The following SPNS3 variants were observed in gnomAD, a reference collection of about 807,000 sequenced individuals.
The protein encoded by SPNS3 is SPNS lysolipid transporter 3, sphingosine-1-phosphate (putative), also known as protein spinster homolog 3.
SPNS3 carries 51 observed loss-of-function variants against 54.4 expected under a neutral mutation model. The ratio of observed to expected loss-of-function variants is 0.94; its 90% CI spans 0.75 to 1.18. SPNS3 has a LOEUF of 1.18. Ranked by LOEUF, SPNS3 falls within the 50% of genes most tolerant of loss-of-function variation. The pLI, the probability that SPNS3 is intolerant of heterozygous loss-of-function variation, is 0.00. For missense variants in SPNS3, 669 were observed against 677.4 expected, an observed-to-expected ratio of 0.99 and a Z score of 0.14; for synonymous variants, 309 against 294.7, an observed-to-expected ratio of 1.05 and a Z score of -0.50.
rs896821451 is a variant in SPNS3, at chr17:4,461,919, C to T, written c.1113+8714C>T. On this transcript the variant is annotated intron_variant, in intron 8 of 11. Transcript: ENST00000355530. ...TTAGTAGACAGTTGGATACAGGAGT[C>T]GGAAGTCCAGGGGATATGGAATCAT... Among the ~76,000 whole-genome samples, 8 of 151,980 alleles carry T rather than the reference C, an allele frequency of 5.3e-5. No homozygotes were observed. The South Asian group carries it at 8.3e-4, about 16-fold the overall frequency.
intron 9 of SPNS3, among the ~76,000 whole-genome samples, chr17:4,484,018 A>T (rs532449658): frequency 6.6e-6 from 1 of 152,228 alleles, no homozygotes; most frequent in South Asian, 2.1e-4. Context: ...TGTCCTCCTC[A>T]TCTTTCTCAG....
At chr17:4,480,884 C>T (rs74319518) in intron 9 of SPNS3, among the ~76,000 whole-genome samples, 10,253 of 152,246 alleles carry the variant, frequency 0.067, 379 homozygotes, top group Middle Eastern at 0.13. Context: ...CCCGGAGCCC[C>T]GTGGCCAAAG....
At position 4,487,789 on chromosome 17, in the gene SPNS3, C is replaced by A; in HGVS notation, c.1451-17C>A. On this transcript the variant is annotated splice_polypyrimidine_tract_variant and intron_variant, in intron 11 of 11. Coordinates refer to ENST00000355530, the MANE Select transcript of SPNS3 (RefSeq NM_182538.5). ...TTCTGCAACCTTCGGGCAGGCTGAG[C>A]ATCTTTCCTCCTGCAGGGACCCCAG... 1 of 1,611,528 alleles carries A rather than the reference C, an allele frequency of 6.2e-7. No individual in the cohort carries two copies. Among genetic ancestry groups the A allele is most frequent in the South Asian group, 1.1e-5 (1 of 91,002 alleles).
rs1238760875 is a variant in SPNS3 at position 4,449,465 on chromosome 17, C to T, written c.923+78C>T. 4.1e-6 allele frequency: 6 copies of T among 1,454,260 alleles called. No homozygotes were observed. In the Admixed American group the frequency reaches 1.6e-4, roughly 39 times the overall value. 90.1% of individuals were successfully genotyped at this position (1,454,260 alleles called of 1,614,324 possible). ...GAGGAAGTTCTGAGGTTCTGAGCTCCAAAATTCAGTTTCTTGGGGTGGGGC... is the reference window on the plus strand; with the variant it reads ...GAGGAAGTTCTGAGGTTCTGAGCTCTAAAATTCAGTTTCTTGGGGTGGGGC... On this transcript the variant is annotated intron_variant, in intron 7 of 11. Transcript: ENST00000355530.
Position 4,480,524 on chromosome 17 carries a change from C to T in SPNS3, c.1179+1887C>T, listed in dbSNP as rs531669070. ...AGCTTCCCTGGCCTGCCCCCCACGG[C>T]GCAGCTCCCTCTTCCACATGACAGC... On this transcript the variant is annotated intron_variant, in intron 9 of 11. Transcript: ENST00000355530. Among the ~76,000 whole-genome samples the T allele has an allele frequency of 7.2e-5, 11 of 152,358 alleles. No individual in the cohort carries two copies. The East Asian group carries it at 1.2e-3, about 16-fold the overall frequency.
intron 8 of SPNS3, among the ~76,000 whole-genome samples, chr17:4,470,227 G>T (rs867959275): frequency 6.6e-6 from 1 of 151,894 alleles, no homozygotes; most frequent in Non-Finnish European, 1.5e-5. Context: ...TCAGGAGTTC[G>T]AGACCAGCCT....
In SPNS3 at chr17:4,457,686, C is replaced by CTGTCT. The variant is rs1241320650; in HGVS notation, c.1113+4484_1113+4488dup. On this transcript the variant is annotated intron_variant, in intron 8 of 11. Coordinates refer to ENST00000355530, the MANE Select transcript of SPNS3 (RefSeq NM_182538.5). ...CCCCCTGCCAGCCCTGCTTCTGCCA[C>CTGTCT]TGTCTTGGTTGGTTCTGGGAGGTGC... Among the ~76,000 whole-genome samples, 13 of 152,282 alleles carry CTGTCT rather than the reference C, an allele frequency of 8.5e-5. No homozygotes were observed. The South Asian group carries it at 1.4e-3, about 17-fold the overall frequency.
chr17:4,457,593 A>G (rs1971347830), intron 8 of SPNS3, among the ~76,000 whole-genome samples: 2 of 152,124 alleles, frequency 1.3e-5, no homozygotes, highest in Non-Finnish European at 2.9e-5. Flanking sequence ...CCTCACAGGG[A>G]GGCTGGGGCC....
At chr17:4,456,252 A>G (rs950522511) in intron 8 of SPNS3, among the ~76,000 whole-genome samples, 1 of 152,012 alleles carries the variant, frequency 6.6e-6, no homozygotes, top group African/African-American at 2.4e-5. Flanking sequence ...GCGCCTGGTC[A>G]AGAGCAGAAC....
At chr17:4,451,250 G>GTT (rs1315287916) in intron 7 of SPNS3, among the ~76,000 whole-genome samples, 3 of 91,298 alleles carry the variant, frequency 3.3e-5, no homozygotes, top group Non-Finnish European at 7.3e-5. Context: ...CTTCTTCTTT[G>GTT]TTTTTTTTTT....
intron 8 of SPNS3, among the ~76,000 whole-genome samples, chr17:4,461,961 G>A (rs1262202213): frequency 1.3e-5 from 2 of 152,094 alleles, no homozygotes; most frequent in Non-Finnish European, 2.9e-5. Context: ...AACTTCAAAG[G>A]GTGAAAACAT....
chr17:4,434,646 A>C (rs190834298), intron 1 of SPNS3, among the ~76,000 whole-genome samples: 5 of 150,560 alleles, frequency 3.3e-5, no homozygotes, highest in Non-Finnish European at 7.4e-5. Context: ...ACAGGCGTGC[A>C]CCACCACATC....
chr17:4,438,896 G>A (rs1970779044), intron 1 of SPNS3, among the ~76,000 whole-genome samples: 1 of 152,128 alleles, frequency 6.6e-6, no homozygotes, highest in Admixed American at 6.6e-5. Context: ...GTGTGTCTGG[G>A]TGTATGAGTG....
At chr17:4,475,643 G>C (rs1971972720) in intron 8 of SPNS3, among the ~76,000 whole-genome samples, 1 of 152,170 alleles carries the variant, frequency 6.6e-6, no homozygotes, top group Non-Finnish European at 1.5e-5. Context: ...AGCCACACTG[G>C]GCAGGAACAG....
Position 4,486,948 on chromosome 17 carries a change from C to T in SPNS3, c.1450+365C>T, listed in dbSNP as rs1177017350. On this transcript the variant is annotated intron_variant, in intron 11 of 11. Transcript: ENST00000355530. The surrounding 1 kb of genome is among the most constrained non-coding windows in gnomAD (Gnocchi z 5.5). ...CAGTACTTGGGGAGGCCAAGGCGGG[C>T]GGATTACAAGGTTAGGAGTTCAAGA... 9.2e-5 allele frequency among the ~76,000 whole-genome samples: 14 copies of T among 151,896 alleles called. No individual in the cohort carries two copies. The East Asian group carries it at 2.5e-3, about 27-fold the overall frequency.
Position 4,439,684 on chromosome 17 carries a change from T to A in SPNS3, c.226T>A (p.Phe76Ile). 6.2e-7 allele frequency: 1 copy of A among 1,613,556 alleles called. No individual in the cohort carries two copies. Residue 76 changes from phenylalanine (F) to isoleucine (I), a missense_variant, in exon 2 of 12, where the codon TTC (phenylalanine) becomes ATC (isoleucine). Physicochemically the swap from Phe to Ile is conservative, Grantham distance 21. Transcript: ENST00000355530. ...AGVLLDIQEV[F>I]QISDNHAGLL... The stretch of plus-strand genomic sequence containing the variant: ...AGTGCTGCTGGATATACAGGAGGTT[T>A]TCCAGATCAGTGACAACCATGCTGG...
intron 8 of SPNS3, among the ~76,000 whole-genome samples, chr17:4,455,168 C>T (rs1325079126): frequency 6.6e-6 from 1 of 152,212 alleles, no homozygotes; most frequent in African/African-American, 2.4e-5. Context: ...CCTGTCTCGG[C>T]CTCCCAAAGT....
rs749655452 is a variant in SPNS3 at position 4,484,468 on chromosome 17, G to A, written c.1180-1760G>A. On this transcript the variant is annotated intron_variant, in intron 9 of 11. Transcript: ENST00000355530. ...CCTGAGTAGCTGGGATTATAGGCAC[G>A]CGCCACCACACCCAGCTAATTTTTG... Among the ~76,000 whole-genome samples the A allele has an allele frequency of 8.6e-4, 131 of 152,132 alleles. 1 individual carries two copies. The highest frequency in any genetic ancestry group is 2.6e-4 in the Non-Finnish European group (18 of 68,004).
intron 8 of SPNS3, among the ~76,000 whole-genome samples, chr17:4,454,775 C>G (rs928727693): frequency 1.1e-4 from 16 of 151,972 alleles, no homozygotes; most frequent in African/African-American, 3.6e-4. Context: ...CACACACCAC[C>G]AAGCCCGGCT....
Sources: gnomAD v4.1 joint callset for allele counts (sites outside exome capture counted in the v4.1 genomes callset) on GRCh38, gnomAD v4.1.1 for gene constraint, Gnocchi (gnomAD v3.1) non-coding constraint, MANE v1.5 for transcripts, NCBI Gene and HGNC (gene_info 2026-07-23, HGNC 2026-07-21) for gene names.